Variants in SLC9C1 observed in about 807,000 individuals in gnomAD.
SLC9C1 encodes sodium/hydrogen exchanger 10.
In SLC9C1, 97 loss-of-function variants were observed where a neutral mutation model predicts 140.9. The observed-to-expected ratio is 0.69, with a 90% CI of 0.58 to 0.82. The LOEUF (loss-of-function observed/expected upper bound fraction) is 0.82, where lower values mean the gene tolerates loss of function less well. SLC9C1 is among the 40% of genes least tolerant of loss of function. The pLI is 0.00. For synonymous variants in SLC9C1, 440 were observed against 442.6 expected, an observed-to-expected ratio of 0.99 and a Z score of 0.07; for missense variants, 1,340 against 1,389.3, an observed-to-expected ratio of 0.96 and a Z score of 0.56.
intron 12 of SLC9C1, among the ~76,000 whole-genome samples, chr3:112,234,167 C>T (rs1471738872): frequency 7.9e-5 from 12 of 152,074 alleles, no homozygotes; most frequent in Admixed American, 1.3e-4. Flanking sequence ...TTTTAATGAT[C>T]GCCATCCTAA....
At chr3:112,203,277 T>A (rs528739839) in intron 17 of SLC9C1, among the ~76,000 whole-genome samples, 1 of 152,056 alleles carries the variant, frequency 6.6e-6, no homozygotes, top group Non-Finnish European at 1.5e-5. Context: ...TAAGTTGTTT[T>A]ATTAGTTTCT....
chr3:112,200,233 G>C (rs1343722225), intron 19 of SLC9C1, among the ~76,000 whole-genome samples: 1 of 152,108 alleles, frequency 6.6e-6, no homozygotes, highest in Non-Finnish European at 1.5e-5. Flanking sequence ...TCAGAGAATA[G>C]GCTATTGCCA....
intron 20 of SLC9C1, among the ~76,000 whole-genome samples, chr3:112,186,307 T>C (rs953491838): frequency 1.3e-5 from 2 of 152,178 alleles, no homozygotes; most frequent in African/African-American, 4.8e-5. Flanking sequence ...TATGTCACCT[T>C]CTAGAAGTTT....
intron 10 of SLC9C1, among the ~76,000 whole-genome samples, chr3:112,255,816 T>A (rs185516992): frequency 1.3e-5 from 2 of 151,700 alleles, no homozygotes; most frequent in Admixed American, 6.6e-5. Flanking sequence ...TATGAAAAAA[T>A]TAATAAGACA....
In SLC9C1 at chr3:112,277,832, A is replaced by C. The variant is rs929477638; in HGVS notation, c.347T>G (p.Leu116Trp). ...CCAAAGAACTAAGATATAATTAACC[A>C]AAAAGCCGGGAATTGAAATTAAAAG... ...QILLISIPGF[L>W]VNYILVLWHL... Residue 116 changes from leucine to tryptophan, a missense_variant, in exon 5 of 29, where the codon TTG becomes TGG. Leu to Trp is a moderately conservative substitution (Grantham distance 61, BLOSUM62 -2). Coordinates refer to ENST00000305815, the MANE Select transcript of SLC9C1 (RefSeq NM_183061.3). 1.9e-6 allele frequency: 3 copies of C among 1,601,648 alleles called. No homozygotes were observed. The African/African-American group carries it at 4.1e-5, about 22-fold the overall frequency.
chr3:112,165,154 A>G (rs2077096680), intron 26 of SLC9C1, among the ~76,000 whole-genome samples: 1 of 151,996 alleles, frequency 6.6e-6, no homozygotes, highest in South Asian at 2.1e-4. Context: ...TGCATTGGTT[A>G]TTCTAGTTAG....
At chr3:112,231,594 A>C in intron 12 of SLC9C1, 108 bp from the exon 13 acceptor site, 1 of 1,038,266 alleles carries the variant, frequency 9.6e-7, no homozygotes, top group Non-Finnish European at 1.4e-6. Flanking sequence ...AATGGTAGCA[A>C]ATCTGGTAGA....
In SLC9C1 at chr3:112,291,046, G is replaced by A. The variant is rs111487609; in HGVS notation, c.-88+3047C>T. Among the ~76,000 whole-genome samples the A allele has an allele frequency of 1.7e-3, 259 of 152,174 alleles. 1 individual carries two copies. The highest frequency in any genetic ancestry group is 5.9e-3 in the African/African-American group (247 of 41,518). ...TGGGGCAGTTAGCCCATTTACTTTC[G>A]AGGTTAGTATTGATACATGTGGATT... On this transcript the variant is annotated intron_variant, in intron 1 of 28. Transcript: ENST00000305815.
intron 26 of SLC9C1, among the ~76,000 whole-genome samples, chr3:112,156,016 T>G (rs951517913): frequency 7.2e-5 from 11 of 152,128 alleles, no homozygotes; most frequent in Admixed American, 4.6e-4. Context: ...GTTGGGAAGA[T>G]TACAATTCTT....
rs1483639534 is a variant in SLC9C1 at position 112,204,223 on chromosome 3, A to C, written c.2167T>G (p.Phe723Val). Residue 723 changes from phenylalanine (F) to valine (V), a missense_variant, in exon 17 of 29, where the codon TTC (phenylalanine) becomes GTC (valine). Physicochemically the swap from Phe to Val is conservative, Grantham distance 50 (BLOSUM62 -1). Coordinates refer to ENST00000305815, the MANE Select transcript of SLC9C1 (RefSeq NM_183061.3). ...ACGATTTACTGGTTCTTTACCTTGAAAATGCGTAGTATACGAAAAAATTGA... is the reference window on the plus strand; with the variant it reads ...ACGATTTACTGGTTCTTTACCTTGACAATGCGTAGTATACGAAAAAATTGA... Reference protein sequence around the residue: ...VVQFFRILRIFKLIAPKLLQI... With the variant: ...VVQFFRILRIVKLIAPKLLQI... 30 of 1,484,754 alleles carry C rather than the reference A, an allele frequency of 2.0e-5. No homozygotes were observed. Among genetic ancestry groups the C allele is most frequent in the Non-Finnish European group, 2.7e-5 (30 of 1,123,144 alleles). 92.0% of individuals were successfully genotyped at this position (1,484,754 alleles called of 1,614,324 possible).
chr3:112,286,761 T>C lies in SLC9C1; in HGVS notation c.31A>G (p.Ser11Gly). Residue 11 changes from serine to glycine, a missense_variant, in exon 2 of 29, where the codon AGT (serine) becomes GGT (glycine). Transcript: ENST00000305815. The part of the protein sequence containing the change: MAGIFKEFFF[S>G]TEDLPEVILT... ...ATGACTTCAGGGAGGTCCTCAGTAC[T>C]GAAAAAAAACTCCTTAAATATTCCA... is the stretch of plus-strand genomic sequence containing the variant. 2 of 1,612,014 alleles carry C rather than the reference T, an allele frequency of 1.2e-6. No homozygotes were observed. Among genetic ancestry groups the C allele is most frequent in the South Asian group, 2.2e-5 (2 of 90,504 alleles).
chr3:112,169,953 T>G (rs1162456981), intron 23 of SLC9C1, among the ~76,000 whole-genome samples: 1 of 152,108 alleles, frequency 6.6e-6, no homozygotes, highest in Non-Finnish European at 1.5e-5. Flanking sequence ...ACAATAATAC[T>G]GGACCCTTTA....
At chr3:112,190,309 G>A (rs920291726) in intron 20 of SLC9C1, among the ~76,000 whole-genome samples, 2 of 152,108 alleles carry the variant, frequency 1.3e-5, no homozygotes, top group East Asian at 3.9e-4. Context: ...CCTGTCTTGT[G>A]GCAGTTTTCA....
At chr3:112,235,537 A>C (rs1331742675) in intron 12 of SLC9C1, among the ~76,000 whole-genome samples, 1 of 150,348 alleles carries the variant, frequency 6.7e-6, no homozygotes, top group Non-Finnish European at 1.5e-5. Flanking sequence ...GAGAGAGGGC[A>C]TCTCTGTCTT....
intron 25 of SLC9C1, among the ~76,000 whole-genome samples, chr3:112,168,421 TC>T (rs2107916576): frequency 6.6e-6 from 1 of 151,930 alleles, no homozygotes; most frequent in African/African-American, 2.4e-5. Context: ...GCAGGGGAAC[TC>T]AATTAGCAAT....
intron 20 of SLC9C1, among the ~76,000 whole-genome samples, chr3:112,191,746 G>A (rs2077665438): frequency 6.6e-6 from 1 of 151,944 alleles, no homozygotes; most frequent in Non-Finnish European, 1.5e-5. Flanking sequence ...GGAGGAGTTT[G>A]GCAATGTTAA....
At chr3:112,234,879 G>A (rs896316627) in intron 12 of SLC9C1, among the ~76,000 whole-genome samples, 13 of 152,064 alleles carry the variant, frequency 8.5e-5, no homozygotes, top group Admixed American at 5.9e-4. Context: ...GGTTAGTGTA[G>A]CCTTGTAGTA....
Position 112,263,013 on chromosome 3 carries a change from T to C in SLC9C1, c.1108A>G (p.Ser370Gly). 1 of 1,607,790 alleles carries C rather than the reference T, an allele frequency of 6.2e-7. No individual in the cohort carries two copies. The highest frequency in any genetic ancestry group is 8.5e-7 in the Non-Finnish European group (1 of 1,177,092). The change falls in exon 10 of 29, where the codon AGT becomes GGT. Residue 370 changes from serine to glycine, a missense_variant. Transcript: ENST00000305815. ...ATATTAGGCATCCCCTTCATTTCAC[T>C]ACAGACCATTATGAATATCCAGCGC... ...SWRWIFIMVCSEMKGMPNINM... is the reference protein window; with the variant it reads ...SWRWIFIMVCGEMKGMPNINM...
At position 112,151,959 on chromosome 3, in the gene SLC9C1, C is replaced by G. The variant is rs779331823; in HGVS notation, c.3422G>C (p.Gly1141Ala). 1 of 1,588,992 alleles carries G rather than the reference C, an allele frequency of 6.3e-7. No individual in the cohort carries two copies. Among genetic ancestry groups the G allele is most frequent in the Non-Finnish European group, 8.5e-7 (1 of 1,173,030 alleles). Residue 1141 changes from glycine (G) to alanine (A), a missense_variant, in exon 28 of 29, where the codon GGA (glycine) becomes GCA (alanine). Gly to Ala is a moderately conservative substitution (Grantham distance 60). Transcript: ENST00000305815. ...IQEERNVKED[G>A]AHSAATARSP... ...CCTGGCAGTGGCGGCACTGTGTGCT[C>G]CATCCTGGGATTCAAAACACTTTGT...
Sources: gnomAD v4.1 joint callset for allele counts (sites outside exome capture counted in the v4.1 genomes callset) on GRCh38, gnomAD v4.1.1 for gene constraint, MANE v1.5 for transcripts, NCBI Gene and HGNC (gene_info 2026-07-23, HGNC 2026-07-21) for gene names.